The following HAO2 variants were observed in gnomAD, a reference collection of about 807,000 sequenced individuals.
HAO2 encodes the protein hydroxyacid oxidase 2, also known as 2-Hydroxyacid oxidase 2.
Under a neutral mutation model 37.4 loss-of-function variants are expected in HAO2, and 42 were observed. That is an observed-to-expected ratio of 1.12 (90% CI 0.88 to 1.45). HAO2 has a LOEUF of 1.45. Among genes scored for constraint, HAO2 ranks in the 40% most tolerant of loss-of-function variants. The pLI, the probability that HAO2 is intolerant of heterozygous loss-of-function variation, is 0.00. For missense variants in HAO2, 476 were observed against 430.2 expected (o/e 1.11, Z -0.94); for synonymous variants, 180 against 162.8 (o/e 1.11, Z -0.81).
intron 4 of HAO2, among the ~76,000 whole-genome samples, 188 bp from the exon 5 acceptor site, chr1:119,386,434 A>G (rs587635634): frequency 1.3e-5 from 2 of 152,164 alleles, no homozygotes; most frequent in South Asian, 4.2e-4. Context: ...TCAAACTACT[A>G]GGCTCAAAAG....
intron 4 of HAO2, 110 bp downstream of exon 4, chr1:119,385,163 C>G (rs1207271762): frequency 1.4e-6 from 2 of 1,476,226 alleles, no homozygotes; most frequent in East Asian, 2.4e-5. Context: ...CGAACACCTG[C>G]TCTGTGCCAG....
chr1:119,378,806 T>C (rs1427455028), intron 1 of HAO2, among the ~76,000 whole-genome samples: 7 of 152,190 alleles, frequency 4.6e-5, no homozygotes, highest in Non-Finnish European at 1.0e-4. Context: ...TATTGAGATA[T>C]CAGGAGTTGA....
At chr1:119,371,186 A>G (rs1048582464) in intron 1 of HAO2, among the ~76,000 whole-genome samples, 3 of 152,198 alleles carry the variant, frequency 2.0e-5, no homozygotes, top group African/African-American at 7.2e-5. Flanking sequence ...GCTCAAAGAC[A>G]TTGGAAACAA....
At position 119,393,819 on chromosome 1, in the gene HAO2, G is replaced by A; in HGVS notation, c.1035G>A (p.Leu345=). Residue 345 remains leucine, a synonymous_variant, in exon 8 of 8, where the codon TTG becomes TTA. Transcript: ENST00000325945. ...CGGTCGCTGAGATCAATCGAAACTT[G>A]GTCCAGTTTTCCAGGCTGTAAGAAA... ...CRSVAEINRN[L]VQFSRL The A allele has an allele frequency of 6.2e-7, 1 of 1,613,212 alleles. No individual in the cohort carries two copies.
At chr1:119,386,970 AT>A in intron 5 of HAO2, 139 bp downstream of exon 5, 1 of 636,470 alleles carries the variant, frequency 1.6e-6, no homozygotes, top group Non-Finnish European at 2.8e-6. Context: ...GTATCTGTGA[AT>A]TTTAAGGACT....
intron 5 of HAO2, among the ~76,000 whole-genome samples, chr1:119,387,117 G>A (rs906774500): frequency 2.0e-5 from 3 of 152,170 alleles, no homozygotes; most frequent in Non-Finnish European, 4.4e-5. Context: ...CTGTAGTTTA[G>A]TGATGTTAAA....
At chr1:119,385,924 T>G (rs1650346039) in intron 4 of HAO2, 1 of 976,166 alleles carries the variant, frequency 1.0e-6, no homozygotes, top group Non-Finnish European at 1.2e-6. Flanking sequence ...GATTTAGTAT[T>G]GCTTAGTTCT....
chr1:119,380,065 C>T (rs1307535850), intron 1 of HAO2, among the ~76,000 whole-genome samples: 2 of 152,192 alleles, frequency 1.3e-5, no homozygotes, highest in Non-Finnish European at 1.5e-5. Flanking sequence ...TTAATTTTCA[C>T]ATGGCTGCCA....
intron 5 of HAO2, among the ~76,000 whole-genome samples, chr1:119,390,967 C>T (rs1365163694): frequency 6.6e-6 from 1 of 152,082 alleles, no homozygotes; most frequent in Non-Finnish European, 1.5e-5. Context: ...GAAGTTCCCA[C>T]CTCTTTCACA....
chr1:119,378,272 C>T (rs759337411), intron 1 of HAO2, among the ~76,000 whole-genome samples: 7 of 152,050 alleles, frequency 4.6e-5, no homozygotes, highest in Non-Finnish European at 8.8e-5. Context: ...CCCATCAGAT[C>T]TCATGAGACT....
At chr1:119,393,443 C>T (rs920327942) in intron 7 of HAO2, among the ~76,000 whole-genome samples, 2 of 152,166 alleles carry the variant, frequency 1.3e-5, no homozygotes, top group African/African-American at 4.8e-5. Context: ...ATATTCCTCC[C>T]GAAAAGATAC....
chr1:119,382,988 A>T lies in HAO2; in HGVS notation c.205A>T (p.Ile69Phe). The T allele has an allele frequency of 1.2e-6, 2 of 1,613,040 alleles. No individual in the cohort carries two copies. The highest frequency in any genetic ancestry group is 1.3e-5 in the African/African-American group (1 of 75,020). Residue 69 changes from isoleucine (I) to phenylalanine (F), a missense_variant, in exon 3 of 8, where the codon ATC (isoleucine) becomes TTC (phenylalanine). By Grantham distance (21) the Ile-to-Phe change is conservative (BLOSUM62 0). Coordinates refer to ENST00000325945, the MANE Select transcript of HAO2 (RefSeq NM_016527.4). Reference sequence around the variant, plus strand: ...CAGAACCACAATCCAAGGGGAGGAGATCAGTGCCCCTATTTGTATCGCACC... The same window carrying T: ...CAGAACCACAATCCAAGGGGAGGAGTTCAGTGCCCCTATTTGTATCGCACC... ...DTRTTIQGEE[I>F]SAPICIAPTG...
At chr1:119,386,896 C>A (rs754511050) in intron 5 of HAO2, 65 bp downstream of exon 5, 67 of 960,836 alleles carry the variant, frequency 7.0e-5, no homozygotes, top group Non-Finnish European at 1.1e-4. Flanking sequence ...GTGAGTGTGT[C>A]CACATCAAGG....
Position 119,394,061 on chromosome 1 carries a change from T to C in HAO2, c.*221T>C. On this transcript the variant is annotated 3_prime_UTR_variant, in exon 8 of 8. Transcript: ENST00000325945. ...CTTCTTTGTATCACTGACTATTATA[T>C]GTTGCTCTCTTGCCTAAATCTTCCT... The C allele has an allele frequency of 1.2e-5, 16 of 1,347,426 alleles. No homozygotes were observed. Among genetic ancestry groups the C allele is most frequent in the Non-Finnish European group, 1.5e-5 (16 of 1,042,542 alleles). 83.5% of individuals were successfully genotyped at this position (1,347,426 alleles called of 1,614,324 possible).
chr1:119,371,170 A>T (rs140073816), intron 1 of HAO2, among the ~76,000 whole-genome samples: 1 of 152,196 alleles, frequency 6.6e-6, no homozygotes, highest in Non-Finnish European at 1.5e-5. Flanking sequence ...GTAACACTCC[A>T]TACTGGCTCA....
intron 4 of HAO2, chr1:119,385,441 A>C (rs587600616): frequency 1.2e-6 from 1 of 820,410 alleles, no homozygotes; most frequent in East Asian, 1.2e-4. Flanking sequence ...GATGGCATAC[A>C]TAGACAAACT....
At chr1:119,389,170 A>ATATAT in intron 5 of HAO2, among the ~76,000 whole-genome samples, 1 of 96,554 alleles carries the variant, frequency 1.0e-5, no homozygotes. Context: ...ATATATATAC[A>ATATAT]CCACAGTTTC....
intron 5 of HAO2, 105 bp downstream of exon 5, chr1:119,386,936 C>A: frequency 1.4e-6 from 1 of 731,738 alleles, no homozygotes. Context: ...ATATTTCACT[C>A]CTCTGTACCA....
intron 5 of HAO2, 25 bp downstream of exon 5, chr1:119,386,856 G>T: frequency 1.4e-6 from 2 of 1,472,858 alleles, no homozygotes; most frequent in Non-Finnish European, 1.9e-6. Flanking sequence ...TTCAGAGAAG[G>T]GTGTGTTTGT....
Sources: gnomAD v4.1 joint callset for allele counts (sites outside exome capture counted in the v4.1 genomes callset) on GRCh38, gnomAD v4.1.1 for gene constraint, MANE v1.5 for transcripts, NCBI Gene and HGNC (gene_info 2026-07-23, HGNC 2026-07-21) for gene names.